The following TDP1 variants were observed in gnomAD, a reference collection of about 807,000 sequenced individuals.
TDP1 encodes tyr-DNA phosphodiesterase 1.
Under a neutral mutation model 81.5 loss-of-function variants are expected in TDP1, and 64 were observed. The ratio of observed to expected loss-of-function variants is 0.79; its 90% CI spans 0.64 to 0.97. The LOEUF is 0.97. Among genes scored for constraint, TDP1 ranks in the 50% least tolerant of loss-of-function variants. The probability of loss-of-function intolerance (pLI) is 0.00; values close to 1 mark genes in which losing one functional copy is unlikely to be tolerated. For missense variants in TDP1, 723 were observed against 743.8 expected, an observed-to-expected ratio of 0.97 and a Z score of 0.33; for synonymous variants, 256 against 264.3, an observed-to-expected ratio of 0.97 and a Z score of 0.30.
At chr14:90,022,630 G>A in intron 15 of TDP1, 1 of 418,378 alleles carries the variant, frequency 2.4e-6, no homozygotes, top group Non-Finnish European at 3.2e-6. Context: ...GAGTTGATGT[G>A]CGTCTTGTCA....
intron 14 of TDP1, among the ~76,000 whole-genome samples, chr14:90,001,382 C>T (rs1328148278): frequency 6.6e-6 from 1 of 152,160 alleles, no homozygotes; most frequent in Non-Finnish European, 1.5e-5. Context: ...ATAGTTACCA[C>T]GTCACCAAGA....
chr14:89,975,532 T>C (rs189881714), intron 6 of TDP1: 1 of 944,056 alleles, frequency 1.1e-6, no homozygotes, highest in Admixed American at 6.2e-5. Context: ...TAATTAAAAA[T>C]GTAGTATATA....
intron 15 of TDP1, among the ~76,000 whole-genome samples, chr14:90,031,799 C>T (rs931318635): frequency 2.0e-5 from 3 of 152,160 alleles, no homozygotes; most frequent in African/African-American, 7.2e-5. Flanking sequence ...CTTTCCACTC[C>T]CACCTGACCA....
At chr14:89,967,248 A>G (rs1004879910) in intron 4 of TDP1, 119 bp from the exon 5 acceptor site, 126 of 1,323,506 alleles carry the variant, frequency 9.5e-5, no homozygotes, top group Non-Finnish European at 1.3e-4. Context: ...TTTATAAATA[A>G]TACATGTAGT....
At chr14:90,032,456 C>T (rs34663261) in intron 15 of TDP1, among the ~76,000 whole-genome samples, 5,945 of 152,052 alleles carry the variant, frequency 0.039, 386 homozygotes, top group African/African-American at 0.13. Context: ...CGAGGGGGCA[C>T]ATCGGTCATG....
At position 90,044,098 on chromosome 14, in the gene TDP1, C is replaced by A. The variant is rs1888609028; in HGVS notation, c.*955C>A. The stretch of plus-strand genomic sequence containing the variant: ...TACGAGGCTTCTCCTCTCTCCCTGG[C>A]ACCCTGCTGGCTGCCTCACTGCTTA... On this transcript the variant is annotated 3_prime_UTR_variant, in exon 17 of 17. Transcript: ENST00000335725. 6.6e-6 allele frequency: 1 copy of A among 152,492 alleles called. No individual in the cohort carries two copies. Among genetic ancestry groups the A allele is most frequent in the Non-Finnish European group, 1.5e-5 (1 of 68,168 alleles). 9.4% of individuals were successfully genotyped at this position (152,492 alleles called of 1,614,324 possible).
At chr14:90,024,354 C>T (rs1396767982) in intron 15 of TDP1, among the ~76,000 whole-genome samples, 2 of 152,174 alleles carry the variant, frequency 1.3e-5, no homozygotes, top group Admixed American at 1.3e-4. Flanking sequence ...CCAGGCACCC[C>T]TCCTCTGCAT....
At chr14:90,000,643 C>A (rs995083656) in intron 14 of TDP1, among the ~76,000 whole-genome samples, 8 of 152,206 alleles carry the variant, frequency 5.3e-5, no homozygotes, top group Non-Finnish European at 1.2e-4. Flanking sequence ...CCTCGGCCCC[C>A]CAAAGTGCTG....
At chr14:90,019,466 T>TG (rs1257775213) in intron 15 of TDP1, 48 bp downstream of exon 15, 1 of 1,031,946 alleles carries the variant, frequency 9.7e-7, no homozygotes, top group Non-Finnish European at 1.5e-6. Flanking sequence ...GGAGATGAAT[T>TG]GGGCTTTGTG....
At chr14:90,035,617 T>C (rs566318834) in intron 16 of TDP1, among the ~76,000 whole-genome samples, 45 of 152,340 alleles carry the variant, frequency 3.0e-4, no homozygotes, top group African/African-American at 8.9e-4. Flanking sequence ...ATCTACCTTA[T>C]AGGGTTATTG....
intron 7 of TDP1, among the ~76,000 whole-genome samples, chr14:89,979,863 A>G (rs752792442): frequency 7.2e-5 from 11 of 152,152 alleles, no homozygotes; most frequent in Admixed American, 1.3e-4. Context: ...GTCACATGGA[A>G]AAAGAGTGGA....
At chr14:90,012,418 T>C (rs977475100) in intron 14 of TDP1, among the ~76,000 whole-genome samples, 2 of 151,460 alleles carry the variant, frequency 1.3e-5, no homozygotes, top group Non-Finnish European at 2.9e-5. Flanking sequence ...GGGGACTCTG[T>C]GTGGGGCCTC....
chr14:89,965,416 C>G (rs1373759329), intron 3 of TDP1, among the ~76,000 whole-genome samples: 3 of 152,248 alleles, frequency 2.0e-5, no homozygotes, highest in Non-Finnish European at 4.4e-5. Context: ...ATAGAAATAA[C>G]AGACCCCACC....
intron 15 of TDP1, among the ~76,000 whole-genome samples, chr14:90,028,617 C>T (rs1424879719): frequency 6.6e-6 from 1 of 152,214 alleles, no homozygotes; most frequent in Non-Finnish European, 1.5e-5. Context: ...AGTGATACCA[C>T]TGTGATATAT....
intron 14 of TDP1, among the ~76,000 whole-genome samples, chr14:90,013,814 C>G (rs1884997968): frequency 6.6e-6 from 1 of 152,158 alleles, no homozygotes; most frequent in Non-Finnish European, 1.5e-5. Context: ...CTCAGGAGAT[C>G]TGATGGTTTT....
intron 15 of TDP1, among the ~76,000 whole-genome samples, chr14:90,032,465 TGTG>T (rs780704597): frequency 1.3e-5 from 2 of 152,056 alleles, no homozygotes; most frequent in African/African-American, 2.4e-5. Flanking sequence ...ACATCGGTCA[TGTG>T]GTAAGCACCT....
intron 14 of TDP1, among the ~76,000 whole-genome samples, chr14:89,997,749 T>C (rs1321123392): frequency 6.6e-6 from 1 of 152,150 alleles, no homozygotes; most frequent in African/African-American, 2.4e-5. Context: ...CCCTCCTGGG[T>C]TGAAGAGCAA....
chr14:90,016,724 T>TACAC (rs137874807), intron 14 of TDP1, among the ~76,000 whole-genome samples: 154 of 151,884 alleles, frequency 1.0e-3, no homozygotes, highest in African/African-American at 3.4e-3. Context: ...CTTTAAGAAA[T>TACAC]ACACACACAC....
intron 14 of TDP1, among the ~76,000 whole-genome samples, chr14:90,007,994 C>T (rs1884246245): frequency 6.6e-6 from 1 of 152,172 alleles, no homozygotes; most frequent in Admixed American, 6.5e-5. Context: ...TGTGGAAAAG[C>T]TGTCTCATCT....
Sources: gnomAD v4.1 joint callset for allele counts (sites outside exome capture counted in the v4.1 genomes callset) on GRCh38, gnomAD v4.1.1 for gene constraint, MANE v1.5 for transcripts, NCBI Gene and HGNC (gene_info 2026-07-23, HGNC 2026-07-21) for gene names.